HS6ST3: variants seen among roughly 807,000 people sequenced by gnomAD.
The protein encoded by HS6ST3 is heparan-sulfate 6-O-sulfotransferase 3.
In HS6ST3, 12 loss-of-function variants were observed where a neutral mutation model predicts 36.7. That is an observed-to-expected ratio of 0.33 (90% CI 0.21 to 0.53). The LOEUF (loss-of-function observed/expected upper bound fraction) is 0.53, where lower values mean the gene tolerates loss of function less well. HS6ST3 is among the 20% of genes least tolerant of loss of function. HS6ST3 has a pLI of 0.95. For synonymous variants in HS6ST3, 240 were observed against 257.5 expected (o/e 0.93, Z 0.65); for missense variants, 584 against 640.9 (o/e 0.91, Z 0.96).
chr13:96,736,550 TAACTAA>T, intron 1 of HS6ST3, among the ~76,000 whole-genome samples: 1 of 152,278 alleles, frequency 6.6e-6, no homozygotes, highest in Non-Finnish European at 1.5e-5. Context: ...GTACCAAACA[TAACTAA>T]GTGTATAGAA....
intron 1 of HS6ST3, among the ~76,000 whole-genome samples, chr13:96,422,508 A>G (rs1486493143): frequency 6.6e-6 from 1 of 152,258 alleles, no homozygotes; most frequent in African/African-American, 2.4e-5. Context: ...TCAACAGTTA[A>G]GAATGATGTC....
chr13:96,146,437 C>G (rs1043968224), intron 1 of HS6ST3, among the ~76,000 whole-genome samples: 2 of 152,150 alleles, frequency 1.3e-5, no homozygotes, highest in Admixed American at 1.3e-4. Flanking sequence ...GGAGTGCACT[C>G]ATGATTTGGC....
chr13:96,110,197 A>G (rs968253964), intron 1 of HS6ST3, among the ~76,000 whole-genome samples: 1 of 152,068 alleles, frequency 6.6e-6, no homozygotes, highest in African/African-American at 2.4e-5. Flanking sequence ...ATTATGGAAG[A>G]AGGCAAAGGA....
chr13:96,755,990 G>A (rs149113318), intron 1 of HS6ST3, among the ~76,000 whole-genome samples: 18 of 152,224 alleles, frequency 1.2e-4, no homozygotes, highest in African/African-American at 4.3e-4. Context: ...CACCCTGGGG[G>A]TTATTAGTCT....
chr13:96,147,697 G>T (rs2054064964), intron 1 of HS6ST3, among the ~76,000 whole-genome samples: 1 of 152,186 alleles, frequency 6.6e-6, no homozygotes, highest in Non-Finnish European at 1.5e-5. Context: ...CCTGTCCAGG[G>T]CTGGTTCCCA....
intron 1 of HS6ST3, among the ~76,000 whole-genome samples, chr13:96,739,762 C>T (rs930447272): frequency 6.6e-6 from 1 of 152,196 alleles, no homozygotes; most frequent in Non-Finnish European, 1.5e-5. Context: ...CAGCGCAGCC[C>T]ACCAGAATGT....
At chr13:96,493,436 A>T (rs547469649) in intron 1 of HS6ST3, among the ~76,000 whole-genome samples, 1 of 152,256 alleles carries the variant, frequency 6.6e-6, no homozygotes, top group East Asian at 1.9e-4. Flanking sequence ...AGGTTTTAGG[A>T]GGTTTTACGG....
intron 1 of HS6ST3, among the ~76,000 whole-genome samples, chr13:96,617,779 G>C (rs1337639585): frequency 6.6e-6 from 1 of 152,216 alleles, no homozygotes; most frequent in Non-Finnish European, 1.5e-5. Flanking sequence ...TAGAGCCATA[G>C]AGTGAGAAAC....
intron 1 of HS6ST3, among the ~76,000 whole-genome samples, chr13:96,677,025 A>G (rs2056700997): frequency 6.6e-6 from 1 of 152,182 alleles, no homozygotes; most frequent in Non-Finnish European, 1.5e-5. Context: ...TACTTACTAC[A>G]TAAAGATGTG....
At chr13:96,451,449 G>T (rs2055727678) in intron 1 of HS6ST3, among the ~76,000 whole-genome samples, 1 of 152,144 alleles carries the variant, frequency 6.6e-6, no homozygotes, top group South Asian at 2.1e-4. Context: ...CTTTATCTTA[G>T]CTTTCCAAGC....
intron 1 of HS6ST3, among the ~76,000 whole-genome samples, chr13:96,402,135 A>G (rs2055455229): frequency 6.6e-6 from 1 of 152,168 alleles, no homozygotes; most frequent in Non-Finnish European, 1.5e-5. Context: ...TACTGCACCC[A>G]GTTCTATTTA....
intron 1 of HS6ST3, among the ~76,000 whole-genome samples, chr13:96,667,135 T>C (rs981414996): frequency 5.9e-5 from 9 of 152,342 alleles, no homozygotes; most frequent in Non-Finnish European, 1.2e-4. Flanking sequence ...ATTTTGCTAA[T>C]GCAAAATTCT....
intron 1 of HS6ST3, among the ~76,000 whole-genome samples, chr13:96,137,414 C>T (rs115103749): frequency 8.7e-5 from 13 of 148,784 alleles, no homozygotes; most frequent in Non-Finnish European, 1.6e-4. Context: ...GTTTCTTGCT[C>T]CCTAGAGGAA....
At chr13:96,310,109 C>G (rs972781761) in intron 1 of HS6ST3, among the ~76,000 whole-genome samples, 2 of 152,092 alleles carry the variant, frequency 1.3e-5, no homozygotes, top group African/African-American at 2.4e-5. Context: ...ATCTACTCTT[C>G]AAGAATTTTA....
At chr13:96,439,481 G>T (rs987653113) in intron 1 of HS6ST3, among the ~76,000 whole-genome samples, 2 of 152,194 alleles carry the variant, frequency 1.3e-5, no homozygotes, top group African/African-American at 4.8e-5. Context: ...AAATCACAGC[G>T]AGGAGACAGC....
intron 1 of HS6ST3, among the ~76,000 whole-genome samples, chr13:96,804,356 G>A (rs1878149581): frequency 6.6e-6 from 1 of 152,026 alleles, no homozygotes; most frequent in Admixed American, 6.5e-5. Flanking sequence ...AGAGGAGGAG[G>A]GAGGTGCCTG....
chr13:96,489,944 A>G (rs963761343), intron 1 of HS6ST3, among the ~76,000 whole-genome samples: 3 of 152,106 alleles, frequency 2.0e-5, no homozygotes, highest in Admixed American at 6.6e-5. Flanking sequence ...ATGTGCAAAA[A>G]TAAATTTCAT....
chr13:96,425,821 A>C (rs554374414), intron 1 of HS6ST3, among the ~76,000 whole-genome samples: 1 of 152,210 alleles, frequency 6.6e-6, no homozygotes, highest in African/African-American at 2.4e-5. Flanking sequence ...TACATATCAC[A>C]AATGGTGGCT....
chr13:96,168,272 TTA>T (rs1459135032), intron 1 of HS6ST3, among the ~76,000 whole-genome samples: 3 of 152,186 alleles, frequency 2.0e-5, no homozygotes, highest in Non-Finnish European at 4.4e-5. Flanking sequence ...GGGAGAATCA[TTA>T]TCTTTAAGAC....
Sources: allele counts gnomAD v4.1 joint callset (sites outside exome capture counted in the v4.1 genomes callset), GRCh38; gene constraint gnomAD v4.1.1; transcripts MANE v1.5; gene names NCBI Gene and HGNC (gene_info 2026-07-23, HGNC 2026-07-21).